Variants in FRMD5 observed in about 807,000 individuals in gnomAD.
FRMD5 encodes FERM domain containing 5, also known as FERM domain-containing protein 5.
A neutral mutation model predicts 69.0 loss-of-function variants in FRMD5; 20 were observed. That is an observed-to-expected ratio of 0.29 (90% CI 0.20 to 0.42). The LOEUF is 0.42. Among genes scored for constraint, FRMD5 ranks in the 10% least tolerant of loss-of-function variants. The probability of loss-of-function intolerance (pLI) is 1.00; values close to 1 mark genes in which losing one functional copy is unlikely to be tolerated. For synonymous variants in FRMD5, 271 were observed against 260.1 expected (o/e 1.04, Z -0.40); for missense variants, 595 against 708.6 (o/e 0.84, Z 1.82).
intron 5 of FRMD5, among the ~76,000 whole-genome samples, chr15:43,908,242 C>T (rs1019547107): frequency 1.3e-5 from 2 of 149,694 alleles, no homozygotes; most frequent in African/African-American, 4.9e-5. Flanking sequence ...GTGGGAGGAT[C>T]ACTTGAACCC....
chr15:43,914,542 T>A (rs1335840062), intron 4 of FRMD5, among the ~76,000 whole-genome samples: 1 of 152,060 alleles, frequency 6.6e-6, no homozygotes, highest in Non-Finnish European at 1.5e-5. Flanking sequence ...CCAGGCACTG[T>A]CACAGGTGCT....
intron 1 of FRMD5, among the ~76,000 whole-genome samples, chr15:44,035,617 A>T (rs2140297874): frequency 6.6e-6 from 1 of 152,304 alleles, no homozygotes; most frequent in South Asian, 2.1e-4. Context: ...TGATGTACTT[A>T]TTAATGTTGC....
At chr15:44,156,730 G>C (rs2077534973) in intron 1 of FRMD5, among the ~76,000 whole-genome samples, 1 of 152,128 alleles carries the variant, frequency 6.6e-6, no homozygotes. Flanking sequence ...GATTTGATAT[G>C]CATCTTGACT....
chr15:43,918,579 G>A (rs984440253), intron 4 of FRMD5, among the ~76,000 whole-genome samples: 1 of 152,060 alleles, frequency 6.6e-6, no homozygotes, highest in Admixed American at 6.6e-5. Flanking sequence ...TCCCACCTTT[G>A]CTGTCTCCAC....
intron 1 of FRMD5, among the ~76,000 whole-genome samples, chr15:44,002,623 G>A (rs1170572721): frequency 1.1e-4 from 16 of 152,090 alleles, no homozygotes. Flanking sequence ...GTGACTGGGG[G>A]CTGCATGCAC....
At chr15:44,124,754 A>G (rs2077003249) in intron 1 of FRMD5, among the ~76,000 whole-genome samples, 1 of 152,196 alleles carries the variant, frequency 6.6e-6, no homozygotes, top group Non-Finnish European at 1.5e-5. Context: ...TATTTAAAAC[A>G]GTGAAAAACT....
intron 1 of FRMD5, among the ~76,000 whole-genome samples, chr15:43,952,240 A>G (rs766785742): frequency 3.9e-5 from 6 of 152,166 alleles, no homozygotes; most frequent in Non-Finnish European, 8.8e-5. Flanking sequence ...CTAAATATAC[A>G]TCCCAAATAC....
At chr15:44,079,348 G>C (rs1310748832) in intron 1 of FRMD5, among the ~76,000 whole-genome samples, 3 of 152,112 alleles carry the variant, frequency 2.0e-5, no homozygotes, top group African/African-American at 7.2e-5. Flanking sequence ...TGCAGCCACT[G>C]TGGAAAATAG....
chr15:44,166,448 ATCTTTT>A (rs1477142376), intron 1 of FRMD5, among the ~76,000 whole-genome samples: 1 of 151,948 alleles, frequency 6.6e-6, no homozygotes, highest in Non-Finnish European at 1.5e-5. Flanking sequence ...ATATCTTTGG[ATCTTTT>A]TCTTTTTTAT....
chr15:44,031,464 G>A (rs963402096), intron 1 of FRMD5, among the ~76,000 whole-genome samples: 12 of 152,112 alleles, frequency 7.9e-5, no homozygotes, highest in Non-Finnish European at 1.8e-4. Flanking sequence ...ATGGTGTCTG[G>A]TAAGGGCCCT....
At chr15:44,004,350 CTATGTTTTTGTT>C (rs1890342761) in intron 1 of FRMD5, among the ~76,000 whole-genome samples, 1 of 152,006 alleles carries the variant, frequency 6.6e-6, no homozygotes, top group African/African-American at 2.4e-5. Flanking sequence ...CTCACAGATA[CTATGTTTTTGTT>C]TTTGTTTTTG....
At chr15:44,076,082 T>G (rs1422688194) in intron 1 of FRMD5, among the ~76,000 whole-genome samples, 1 of 152,116 alleles carries the variant, frequency 6.6e-6, no homozygotes, top group Non-Finnish European at 1.5e-5. Context: ...GTCAGATGAG[T>G]AGGTTGCGAA....
At chr15:44,025,755 C>T (rs968114339) in intron 1 of FRMD5, among the ~76,000 whole-genome samples, 1 of 152,104 alleles carries the variant, frequency 6.6e-6, no homozygotes, top group African/African-American at 2.4e-5. Flanking sequence ...GATATGGATG[C>T]CCACTGAATG....
At chr15:44,193,148 C>A (rs1362850530) in intron 1 of FRMD5, among the ~76,000 whole-genome samples, 1 of 152,138 alleles carries the variant, frequency 6.6e-6, no homozygotes, top group East Asian at 1.9e-4. Flanking sequence ...TACTTTAAAA[C>A]CACAAGGTTA....
chr15:43,965,308 GGAT>G (rs1253469069), intron 1 of FRMD5, among the ~76,000 whole-genome samples: 5 of 152,158 alleles, frequency 3.3e-5, no homozygotes, highest in Non-Finnish European at 5.9e-5. Flanking sequence ...ATGTGCACTA[GGAT>G]GATATCTGCC....
chr15:44,061,369 G>A (rs1263050469), intron 1 of FRMD5, among the ~76,000 whole-genome samples: 1 of 152,166 alleles, frequency 6.6e-6, no homozygotes, highest in Non-Finnish European at 1.5e-5. Context: ...TAGACAAACT[G>A]TAATGTCCAT....
chr15:44,084,349 C>T (rs570383510), intron 1 of FRMD5, among the ~76,000 whole-genome samples: 1 of 152,156 alleles, frequency 6.6e-6, no homozygotes, highest in South Asian at 2.1e-4. Flanking sequence ...TCACCTAATA[C>T]AACCCATGGG....
chr15:43,888,371 CTAGT>C (rs1374434048), intron 9 of FRMD5, 105 bp from the exon 10 acceptor site: 10 of 742,292 alleles, frequency 1.3e-5, no homozygotes, highest in Admixed American at 2.3e-5. Flanking sequence ...TGGCAGCTGG[CTAGT>C]TAGAGGGGAG....
intron 1 of FRMD5, among the ~76,000 whole-genome samples, chr15:44,130,714 A>G (rs1181128788): frequency 6.6e-6 from 1 of 152,176 alleles, no homozygotes; most frequent in African/African-American, 2.4e-5. Flanking sequence ...GGAAAAAAGT[A>G]AGAGGGAGAA....
Sources: gnomAD v4.1 joint callset for allele counts (sites outside exome capture counted in the v4.1 genomes callset) on GRCh38, gnomAD v4.1.1 for gene constraint, MANE v1.5 for transcripts, NCBI Gene and HGNC (gene_info 2026-07-23, HGNC 2026-07-21) for gene names.